The following GMFB variants were observed in gnomAD, a reference collection of about 807,000 sequenced individuals.
GMFB encodes the protein glia maturation factor beta.
A neutral mutation model predicts 25.6 loss-of-function variants in GMFB; 13 were observed. The observed-to-expected ratio is 0.51, with a 90% CI of 0.33 to 0.81. GMFB has a LOEUF of 0.81. Ranked by LOEUF, GMFB falls within the 30% of genes least tolerant of loss-of-function variation. The pLI, the probability that GMFB is intolerant of heterozygous loss-of-function variation, is 0.02. For synonymous variants in GMFB, 57 were observed against 56.9 expected (o/e 1.00, Z 0.00); for missense variants, 146 against 175.4 (o/e 0.83, Z 0.95).
intron 6 of GMFB, chr14:54,478,575 A>G (rs928222066): frequency 2.0e-5 from 3 of 152,702 alleles, no homozygotes; most frequent in Admixed American, 2.0e-4. Flanking sequence ...TCTGAATGTC[A>G]AATGGAAATA....
Position 54,484,258 on chromosome 14 carries a change from T to G in GMFB, c.4-491A>C, listed in dbSNP as rs186615331. 1.3e-3 allele frequency among the ~76,000 whole-genome samples: 193 copies of G among 152,118 alleles called. 1 individual carries two copies. Among genetic ancestry groups the G allele is most frequent in the African/African-American group, 4.5e-3 (185 of 41,550 alleles). The stretch of plus-strand genomic sequence containing the variant: ...AGCAACAAAAGTGTTAAAAACCCCA[T>G]AAGAGTAAAGACCAATAATATTTTA... On this transcript the variant is annotated intron_variant, in intron 1 of 6. Coordinates refer to ENST00000358056, the MANE Select transcript of GMFB (RefSeq NM_004124.3).
At chr14:54,488,806 G>T in intron 1 of GMFB, 119 bp downstream of exon 1, 3 of 725,496 alleles carry the variant, frequency 4.1e-6, no homozygotes, top group Non-Finnish European at 6.3e-6. Flanking sequence ...TGCTGGGAGC[G>T]GAAGCGGCCG....
At chr14:54,478,653 G>T (rs1386435374) in intron 6 of GMFB, 3 of 152,126 alleles carry the variant, frequency 2.0e-5, no homozygotes, top group African/African-American at 7.2e-5. Flanking sequence ...AAAGCATAAC[G>T]GCTATAGAAA....
In GMFB at chr14:54,477,997, CAG is replaced by C; in HGVS notation, c.*89_*90del. The C allele has an allele frequency of 5.0e-6, 3 of 600,390 alleles. No homozygotes were observed. The highest frequency in any genetic ancestry group is 8.7e-6 in the Non-Finnish European group (3 of 344,752). 37.2% of individuals were successfully genotyped at this position (600,390 alleles called of 1,614,324 possible). A position where few individuals can be genotyped will look rare whatever the true frequency, so the allele number is the denominator to read the frequency against. The stretch of plus-strand genomic sequence containing the variant: ...ACTGCAGGAAACAAACTGTAAGTAA[CAG>C]TGCATTTTTAGGCATAAATAAGTAT... On this transcript the variant is annotated 3_prime_UTR_variant, in exon 7 of 7. Transcript: ENST00000358056.
chr14:54,483,602 T>C lies in GMFB; in HGVS notation c.100+69A>G. The C allele has an allele frequency of 6.3e-6, 5 of 792,332 alleles. No individual in the cohort carries two copies. The South Asian group carries it at 7.7e-5, about 12-fold the overall frequency. The allele number at this position is 792,332 out of a possible 1,614,324, so 49.1% of individuals were successfully genotyped here. ...CATTGCTTTCCAACGGTTCAGTTCA[T>C]TCAATGTAGCTACAAGATTAAAAAC... On this transcript the variant is annotated intron_variant, in intron 2 of 6. Transcript: ENST00000358056.
rs188627104 is a variant in GMFB, at chr14:54,478,445, A to C, written c.358-286T>G. ...AAACCAAAACTCTCCCAAAAGCACA[A>C]ATCTACAAATAGTCTAAAAGAGCAG... is the stretch of plus-strand genomic sequence containing the variant. On this transcript the variant is annotated intron_variant, in intron 6 of 6. Coordinates refer to ENST00000358056, the MANE Select transcript of GMFB (RefSeq NM_004124.3). The C allele has an allele frequency of 9.0e-5, 19 of 210,478 alleles. 2 individuals are homozygous for C. In the Admixed American group the frequency reaches 1.1e-3, roughly 12 times the overall value. 13.0% of individuals were successfully genotyped at this position (210,478 alleles called of 1,614,324 possible).
intron 1 of GMFB, among the ~76,000 whole-genome samples, chr14:54,485,255 G>T (rs999375193): frequency 1.3e-5 from 2 of 151,676 alleles, no homozygotes; most frequent in East Asian, 3.9e-4. Context: ...ATGACAACAT[G>T]ATCTTATATT....
intron 1 of GMFB, among the ~76,000 whole-genome samples, chr14:54,484,769 T>C (rs1211196403): frequency 6.6e-6 from 1 of 151,960 alleles, no homozygotes; most frequent in East Asian, 1.9e-4. Context: ...TGAACATAGA[T>C]GCAAAAATCC....
intron 5 of GMFB, chr14:54,480,149 T>C (rs1390170648): frequency 3.7e-6 from 1 of 268,252 alleles, no homozygotes; most frequent in African/African-American, 2.3e-5. Flanking sequence ...TTCTGCACTA[T>C]CTTAACTTTG....
Position 54,479,860 on chromosome 14 carries a change from C to T in GMFB, c.284-1G>A, listed in dbSNP as rs1436955292. On this transcript the variant is annotated splice_acceptor_variant, in intron 5 of 6. Coordinates refer to ENST00000358056, the MANE Select transcript of GMFB (RefSeq NM_004124.3). LOFTEE classifies it high-confidence loss of function. Reference sequence around the variant, plus strand: ...ATCATCTGTTGTTCAGGCTTACATCCTGGAAAAGAGAGATTAGTGTAGAAA... The same window carrying T: ...ATCATCTGTTGTTCAGGCTTACATCTTGGAAAAGAGAGATTAGTGTAGAAA... 1 of 1,580,580 alleles carries T rather than the reference C, an allele frequency of 6.3e-7. No homozygotes were observed. The highest frequency in any genetic ancestry group is 1.7e-5 in the Admixed American group (1 of 59,798).
chr14:54,480,779 A>G (rs1448018859), intron 5 of GMFB, 95 bp downstream of exon 5: 1 of 690,476 alleles, frequency 1.4e-6, no homozygotes, highest in Non-Finnish European at 2.6e-6. Flanking sequence ...TTATTCAACA[A>G]TGTTCATCTT....
chr14:54,488,893 C>T (rs1376275732), intron 1 of GMFB, 32 bp downstream of exon 1: 1 of 1,553,026 alleles, frequency 6.4e-7, no homozygotes, highest in Non-Finnish European at 8.7e-7. Context: ...TCGCCCAGCC[C>T]TCCGGCCCCC....
chr14:54,479,594 A>G (rs552310313), intron 6 of GMFB, 192 bp downstream of exon 6: 7 of 469,144 alleles, frequency 1.5e-5, no homozygotes, highest in South Asian at 1.0e-4. Context: ...CAACTTATTC[A>G]AAAAATACAC....
rs1452673956 is a variant in GMFB, at chr14:54,475,573, A to G, written c.*2515T>C. ...AATATAATTGCGTCAATACCAGAAC[A>G]AAGTGATCACTATTCAAAACTCAGA... On this transcript the variant is annotated 3_prime_UTR_variant, in exon 7 of 7. Transcript: ENST00000358056. 8 of 152,566 alleles carry G rather than the reference A, an allele frequency of 5.2e-5. No individual in the cohort carries two copies. The highest frequency in any genetic ancestry group is 1.0e-4 in the Non-Finnish European group (7 of 67,954). 9.5% of individuals were successfully genotyped at this position (152,566 alleles called of 1,614,324 possible). A position where few individuals can be genotyped will look rare whatever the true frequency, so the allele number is the denominator to read the frequency against.
intron 1 of GMFB, 35 bp from the exon 2 acceptor site, chr14:54,483,802 G>T: frequency 1.8e-6 from 2 of 1,120,180 alleles, no homozygotes; most frequent in South Asian, 1.3e-5. Flanking sequence ...AAAATGCCAT[G>T]ACTTCAATAT....
At chr14:54,482,926 C>G (rs2031731879) in intron 2 of GMFB, among the ~76,000 whole-genome samples, 1 of 151,930 alleles carries the variant, frequency 6.6e-6, no homozygotes, top group Non-Finnish European at 1.5e-5. Context: ...TTTTAAGAAC[C>G]ATATGTCGAC....
rs544383904 is a variant in GMFB, at chr14:54,474,625, C to T, written c.*3463G>A. On this transcript the variant is annotated 3_prime_UTR_variant, in exon 7 of 7. Transcript: ENST00000358056. Reference sequence around the variant, plus strand: ...TGTGTCAGTTGTTGGTTTTGTTAAACGATGACAGAGAACTGTTAAAATTCA... The same window carrying T: ...TGTGTCAGTTGTTGGTTTTGTTAAATGATGACAGAGAACTGTTAAAATTCA... 23 of 152,688 alleles carry T rather than the reference C, an allele frequency of 1.5e-4. No individual in the cohort carries two copies. Among genetic ancestry groups the T allele is most frequent in the South Asian group, 1.2e-3 (6 of 4,824 alleles). The allele number at this position is 152,688 out of a possible 1,614,324, so 9.5% of individuals were successfully genotyped here.
rs545932220 is a variant in GMFB, at chr14:54,488,947, G to A, written c.-20C>T. On this transcript the variant is annotated 5_prime_UTR_variant, in exon 1 of 7. Coordinates refer to ENST00000358056, the MANE Select transcript of GMFB (RefSeq NM_004124.3). ...CACCATTTTCCTTCCGGCCGTCAGC[G>A]GCCTGTCGCCTACACTCGGGCGCCT... 13 of 1,559,230 alleles carry A rather than the reference G, an allele frequency of 8.3e-6. No individual in the cohort carries two copies. Among genetic ancestry groups the A allele is most frequent in the Admixed American group, 1.9e-5 (1 of 52,584 alleles).
chr14:54,485,435 A>G (rs1008526181), intron 1 of GMFB, among the ~76,000 whole-genome samples: 2 of 152,186 alleles, frequency 1.3e-5, no homozygotes, highest in Non-Finnish European at 2.9e-5. Context: ...CAATAGCTAT[A>G]AAAAATTTAG....
Sources: allele counts gnomAD v4.1 joint callset (sites outside exome capture counted in the v4.1 genomes callset), GRCh38; gene constraint gnomAD v4.1.1; transcripts MANE v1.5; gene names NCBI Gene and HGNC (gene_info 2026-07-23, HGNC 2026-07-21).